PIK3C2G: variants seen among roughly 807,000 people sequenced by gnomAD.
PIK3C2G encodes the protein phosphatidylinositol-4-phosphate 3-kinase catalytic subunit type 2 gamma, also known as phosphatidylinositol 3-kinase C2 domain-containing subunit gamma.
In PIK3C2G, 168 loss-of-function variants were observed where a neutral mutation model predicts 181.1. The ratio of observed to expected loss-of-function variants is 0.93; its 90% CI spans 0.82 to 1.05. The LOEUF (loss-of-function observed/expected upper bound fraction) is 1.05. Ranked by LOEUF, PIK3C2G falls within the 50% of genes least tolerant of loss-of-function variation. PIK3C2G has a pLI of 0.00. For missense variants in PIK3C2G, 1,869 were observed against 1,732.8 expected, an observed-to-expected ratio of 1.08 and a Z score of -1.40; for synonymous variants, 573 against 592.2, an observed-to-expected ratio of 0.97 and a Z score of 0.47.
downstream of PIK3C2G, among the ~76,000 whole-genome samples, chr12:18,652,352 T>C (rs779705896): frequency 5.9e-5 from 9 of 151,974 alleles, no homozygotes; most frequent in Admixed American, 1.3e-4. Context: ...TGAAGGTGAA[T>C]ATTAGAGTGA....
intron 18 of PIK3C2G, among the ~76,000 whole-genome samples, chr12:18,457,117 G>A (rs1477172510): frequency 3.3e-5 from 5 of 152,086 alleles, no homozygotes; most frequent in African/African-American, 1.2e-4. Flanking sequence ...AAACTGGCTG[G>A]GAGGAGACAA....
At chr12:18,667,901 A>G in the PIK3C2G span, among the ~76,000 whole-genome samples, 2 of 152,176 alleles carry the variant, frequency 1.3e-5, no homozygotes, top group African/African-American at 4.8e-5. Context: ...TTCTCTTCCC[A>G]GTAAACAGAA....
At chr12:18,361,716 G>C (rs1327980620) in intron 11 of PIK3C2G, among the ~76,000 whole-genome samples, 1 of 152,104 alleles carries the variant, frequency 6.6e-6, no homozygotes, top group Non-Finnish European at 1.5e-5. Context: ...TGGTACTGCA[G>C]GTTCTCTGGA....
rs374716704 is a variant in PIK3C2G, at chr12:18,287,900, G to A, written c.761+971G>A. ...AAATAGGCTGGGCACGGTGGCTCAC[G>A]CCTGTAATCCCAGCACTTTGGGAGG... On this transcript the variant is annotated intron_variant, in intron 3 of 32. Transcript: ENST00000538779. 4.0e-5 allele frequency among the ~76,000 whole-genome samples: 6 copies of A among 151,410 alleles called. No individual in the cohort carries two copies. The East Asian group carries it at 5.9e-4, about 15-fold the overall frequency.
At chr12:18,395,398 A>G (rs1943818274) in intron 15 of PIK3C2G, among the ~76,000 whole-genome samples, 1 of 150,928 alleles carries the variant, frequency 6.6e-6, no homozygotes, top group Admixed American at 6.6e-5. Flanking sequence ...TTTTCAAATT[A>G]GAACTCTATA....
At chr12:18,672,647 T>C in the PIK3C2G span, among the ~76,000 whole-genome samples, 1 of 152,196 alleles carries the variant, frequency 6.6e-6, no homozygotes, top group Non-Finnish European at 1.5e-5. Context: ...ACACTGAGTT[T>C]CTTATTGACC....
Position 18,563,311 on chromosome 12 carries a change from G to A in PIK3C2G, c.3781-66G>A, listed in dbSNP as rs146734048. ...TCCTTTGTTTGGTTTACATAAAATC[G>A]GGTTTTAGAGTGTATCACAGGCTGA... On this transcript the variant is annotated intron_variant, in intron 27 of 32. Transcript: ENST00000538779. The A allele has an allele frequency of 8.9e-4, 1,266 of 1,415,328 alleles. 9 individuals carry two copies. The African/African-American group carries it at 0.016, about 18-fold the overall frequency. The allele number at this position is 1,415,328 out of a possible 1,614,324, so 87.7% of individuals were successfully genotyped here.
At chr12:18,645,327 G>A (rs1466318745) in intron 32 of PIK3C2G, among the ~76,000 whole-genome samples, 1 of 152,044 alleles carries the variant, frequency 6.6e-6, no homozygotes, top group Non-Finnish European at 1.5e-5. Flanking sequence ...ATGCACCAAA[G>A]CAATCAGAAT....
chr12:18,245,946 C>A (rs981830082), upstream of PIK3C2G, among the ~76,000 whole-genome samples: 1 of 151,988 alleles, frequency 6.6e-6, no homozygotes, highest in African/African-American at 2.4e-5. Context: ...TTTTGCAAAA[C>A]CTCATTAGTA....
At chr12:18,705,115 T>G in the PIK3C2G span, 250 of 1,596,930 alleles carry the variant, frequency 1.6e-4, 2 homozygotes, top group East Asian at 5.4e-3. Context: ...AACAGTGACA[T>G]GTTTTCATGG....
intron 24 of PIK3C2G, among the ~76,000 whole-genome samples, chr12:18,522,759 A>G (rs1943000234): frequency 6.6e-6 from 1 of 152,050 alleles, no homozygotes; most frequent in African/African-American, 2.4e-5. Context: ...AATTTTCTAT[A>G]TCTGAACATT....
chr12:18,248,130 T>G (rs1348479152), intron 1 of PIK3C2G: 1 of 152,124 alleles, frequency 6.6e-6, no homozygotes, highest in Non-Finnish European at 1.5e-5. Flanking sequence ...GGTATTAAAT[T>G]CTGAGCTCAA....
At chr12:18,654,769 A>C in the PIK3C2G span, among the ~76,000 whole-genome samples, 1 of 152,192 alleles carries the variant, frequency 6.6e-6, no homozygotes, top group African/African-American at 2.4e-5. Context: ...GGATCAAGAT[A>C]ATCAAGACTT....
At chr12:18,565,146 C>T (rs540546613) in intron 28 of PIK3C2G, among the ~76,000 whole-genome samples, 2 of 152,222 alleles carry the variant, frequency 1.3e-5, no homozygotes, top group East Asian at 3.9e-4. Flanking sequence ...CAGTGATGCA[C>T]ATAAATGAAA....
At chr12:18,706,215 G>A in the PIK3C2G span, among the ~76,000 whole-genome samples, 1 of 151,132 alleles carries the variant, frequency 6.6e-6, no homozygotes, top group Admixed American at 6.6e-5. Flanking sequence ...CTGGGTGACG[G>A]AATGAGACTC....
chr12:18,257,981 C>T (rs560970702), upstream of PIK3C2G, among the ~76,000 whole-genome samples: 49 of 152,238 alleles, frequency 3.2e-4, no homozygotes, highest in East Asian at 7.7e-4. Flanking sequence ...TCCTGACTCT[C>T]GGCTGCAAAG....
the PIK3C2G span, among the ~76,000 whole-genome samples, chr12:18,659,319 G>A: frequency 6.6e-6 from 1 of 152,088 alleles, no homozygotes; most frequent in African/African-American, 2.4e-5. Context: ...AACAAAAGTA[G>A]TCAGACAAAA....
intron 16 of PIK3C2G, among the ~76,000 whole-genome samples, chr12:18,410,330 C>A (rs762049529): frequency 2.0e-5 from 3 of 151,882 alleles, no homozygotes; most frequent in Non-Finnish European, 4.4e-5. Context: ...CATGGTGAAA[C>A]CCTGTCTCTA....
At chr12:18,685,403 GT>G in the PIK3C2G span, 1 of 180,932 alleles carries the variant, frequency 5.5e-6, no homozygotes, top group East Asian at 1.3e-4. Context: ...AGACTCAAAG[GT>G]TTGGAGAAGA....
Sources: allele counts gnomAD v4.1 joint callset (sites outside exome capture counted in the v4.1 genomes callset), GRCh38; gene constraint gnomAD v4.1.1; transcripts MANE v1.5; gene names NCBI Gene and HGNC (gene_info 2026-07-23, HGNC 2026-07-21).